DDC: variants seen among roughly 807,000 people sequenced by gnomAD.
DDC encodes dopa decarboxylase, also known as aromatic-L-amino-acid decarboxylase.
In DDC, 43 loss-of-function variants were observed where a neutral mutation model predicts 60.0. The ratio of observed to expected loss-of-function variants is 0.72; its 90% CI spans 0.56 to 0.92. The LOEUF (loss-of-function observed/expected upper bound fraction) is 0.92. DDC is among the 40% of genes least tolerant of loss of function. The pLI is 0.00. For synonymous variants in DDC, 232 were observed against 234.6 expected (o/e 0.99, Z 0.10); for missense variants, 573 against 620.2 (o/e 0.92, Z 0.81).
chr7:50,460,205 C>T (rs186102659), intron 14 of DDC, among the ~76,000 whole-genome samples: 9,945 of 140,660 alleles, frequency 0.071, 706 homozygotes, highest in South Asian at 0.088. Flanking sequence ...GCCCCTGGCC[C>T]GGCCAGCCGC....
intron 9 of DDC, among the ~76,000 whole-genome samples, chr7:50,483,250 C>T (rs1197945169): frequency 1.3e-5 from 2 of 152,152 alleles, no homozygotes; most frequent in Admixed American, 6.5e-5. Flanking sequence ...TTTTCTGCAT[C>T]TAATATGATA....
intron 6 of DDC, among the ~76,000 whole-genome samples, chr7:50,507,849 A>G (rs1298270876): frequency 1.3e-5 from 2 of 152,140 alleles, no homozygotes; most frequent in Non-Finnish European, 1.5e-5. Flanking sequence ...CCTTTCCTAT[A>G]TGATATTTAA....
intron 6 of DDC, among the ~76,000 whole-genome samples, chr7:50,505,442 T>G (rs6944090): frequency 6.6e-6 from 1 of 152,106 alleles, no homozygotes; most frequent in Non-Finnish European, 1.5e-5. Context: ...TTGAGCCCCC[T>G]GTAAAGTCTT....
At chr7:50,502,304 C>T (rs1210264446) in intron 7 of DDC, among the ~76,000 whole-genome samples, 1 of 152,212 alleles carries the variant, frequency 6.6e-6, no homozygotes, top group Non-Finnish European at 1.5e-5. Flanking sequence ...ATCCAGGGGA[C>T]TGTGACTGGC....
At chr7:50,501,107 G>T (rs573593113) in intron 7 of DDC, among the ~76,000 whole-genome samples, 8 of 152,274 alleles carry the variant, frequency 5.3e-5, no homozygotes, top group South Asian at 2.1e-4. Context: ...CTGAGGCAAG[G>T]CTGCCTCAGT....
At chr7:50,473,527 C>T (rs538472331) in intron 11 of DDC, among the ~76,000 whole-genome samples, 3 of 152,364 alleles carry the variant, frequency 2.0e-5, no homozygotes, top group Non-Finnish European at 2.9e-5. Context: ...GCTGTGAACA[C>T]ATGATGTGCC....
At chr7:50,484,264 C>CT (rs1406016906) in intron 9 of DDC, among the ~76,000 whole-genome samples, 7 of 152,148 alleles carry the variant, frequency 4.6e-5, no homozygotes, top group African/African-American at 9.7e-5. Flanking sequence ...TCTGTTGGGT[C>CT]TTTTTTGTGT....
intron 11 of DDC, among the ~76,000 whole-genome samples, chr7:50,474,319 G>A (rs1585147673): frequency 6.6e-6 from 1 of 152,232 alleles, no homozygotes; most frequent in South Asian, 2.1e-4. Flanking sequence ...GGCCTGAGGT[G>A]CTGAGGAGAG....
chr7:50,460,199 C>T (rs1380785778), intron 14 of DDC, among the ~76,000 whole-genome samples: 1 of 144,414 alleles, frequency 6.9e-6, no homozygotes, highest in Non-Finnish European at 1.5e-5. Context: ...GGGTCAGCCC[C>T]TGGCCCGGCC....
chr7:50,492,687 T>TAAACTCTG, intron 9 of DDC: 7 of 260,796 alleles, frequency 2.7e-5, no homozygotes, highest in African/African-American at 6.4e-5. Flanking sequence ...CAAGGAAATT[T>TAAACTCTG]TCCAAATGGC....
At chr7:50,508,350 G>A (rs2043456793) in intron 6 of DDC, among the ~76,000 whole-genome samples, 1 of 152,224 alleles carries the variant, frequency 6.6e-6, no homozygotes, top group Non-Finnish European at 1.5e-5. Context: ...GGAAGGAGGG[G>A]TAGGGGACAG....
intron 7 of DDC, among the ~76,000 whole-genome samples, chr7:50,499,979 C>G (rs2153539852): frequency 6.6e-6 from 1 of 152,314 alleles, no homozygotes; most frequent in African/African-American, 2.4e-5. Context: ...TACCCATAGG[C>G]CCAAGGGATG....
At chr7:50,510,424 T>G (rs1241673220) in intron 6 of DDC, among the ~76,000 whole-genome samples, 1 of 152,094 alleles carries the variant, frequency 6.6e-6, no homozygotes, top group Non-Finnish European at 1.5e-5. Flanking sequence ...ATCCCAGCAC[T>G]TTGGGAGGCC....
At chr7:50,547,869 T>C (rs2044858590) in intron 1 of DDC, among the ~76,000 whole-genome samples, 1 of 152,238 alleles carries the variant, frequency 6.6e-6, no homozygotes, top group Non-Finnish European at 1.5e-5. Context: ...CCCCGTTTTA[T>C]TGCATTTTTT....
intron 2 of DDC, chr7:50,543,223 C>T (rs2044692857): frequency 1.3e-5 from 2 of 156,116 alleles, no homozygotes; most frequent in Admixed American, 1.2e-4. Context: ...CTTTAACCAA[C>T]AGGCTTTTAG....
At chr7:50,477,324 A>G (rs896309) in intron 10 of DDC, among the ~76,000 whole-genome samples, 117,368 of 152,186 alleles carry the variant, frequency 0.77, 45,467 homozygotes, top group Admixed American at 0.84. Context: ...GTGATCCTGC[A>G]CAAGACATCA....
intron 11 of DDC, among the ~76,000 whole-genome samples, chr7:50,471,572 C>A (rs1277888926): frequency 6.6e-6 from 1 of 152,072 alleles, no homozygotes; most frequent in Admixed American, 6.5e-5. Flanking sequence ...CCAGGCCCTG[C>A]CCGGTGTGTT....
intron 9 of DDC, among the ~76,000 whole-genome samples, chr7:50,490,803 T>C (rs571015593): frequency 2.6e-5 from 4 of 152,364 alleles, no homozygotes; most frequent in East Asian, 1.9e-4. Context: ...CAAACCTATA[T>C]GGCAAATGAT....
At chr7:50,483,819 G>C (rs1460374305) in intron 9 of DDC, among the ~76,000 whole-genome samples, 1 of 151,790 alleles carries the variant, frequency 6.6e-6, no homozygotes, top group South Asian at 2.1e-4. Flanking sequence ...CAGGAGAATG[G>C]TGTGAACCTG....
Sources: allele counts gnomAD v4.1 joint callset (sites outside exome capture counted in the v4.1 genomes callset), GRCh38; gene constraint gnomAD v4.1.1; transcripts MANE v1.5; gene names NCBI Gene and HGNC (gene_info 2026-07-23, HGNC 2026-07-21).